MAD1L1: variants seen among roughly 807,000 people sequenced by gnomAD.
MAD1L1 encodes mitotic arrest deficient 1 like 1.
Under a neutral mutation model 96.9 loss-of-function variants are expected in MAD1L1, and 95 were observed. The ratio of observed to expected loss-of-function variants is 0.98; its 90% CI spans 0.83 to 1.16. The LOEUF (loss-of-function observed/expected upper bound fraction) is 1.16. Among genes scored for constraint, MAD1L1 ranks in the 50% most tolerant of loss-of-function variants. The probability of loss-of-function intolerance (pLI) is 0.00; values close to 1 mark genes in which losing one functional copy is unlikely to be tolerated. For synonymous variants in MAD1L1, 473 were observed against 396.6 expected (o/e 1.19, Z -2.29); for missense variants, 1,007 against 954.4 (o/e 1.06, Z -0.73).
intron 10 of MAD1L1, among the ~76,000 whole-genome samples, chr7:2,207,339 A>G (rs1057459308): frequency 2.6e-5 from 4 of 152,182 alleles, no homozygotes; most frequent in Non-Finnish European, 5.9e-5. Context: ...GCTGGTTGGC[A>G]GCCCCCAGGC....
At chr7:2,093,020 G>A (rs1188340641) in intron 11 of MAD1L1, among the ~76,000 whole-genome samples, 3 of 151,690 alleles carry the variant, frequency 2.0e-5, no homozygotes, top group South Asian at 2.1e-4. Context: ...GGTGGATCAC[G>A]AGGTCAGGAG....
intron 16 of MAD1L1, chr7:1,940,214 A>G (rs12531077): frequency 0.049 from 7,495 of 152,218 alleles, 358 homozygotes; most frequent in East Asian, 0.13. Flanking sequence ...AGGGGAGGGG[A>G]AATCCACCCA....
intron 15 of MAD1L1, 66 bp from the exon 16 acceptor site, chr7:1,957,785 T>C: frequency 6.8e-7 from 1 of 1,474,620 alleles, no homozygotes; most frequent in South Asian, 1.1e-5. Context: ...TCCCACCCTC[T>C]GGGTGATAAG....
At chr7:2,108,011 G>A (rs1787185600) in intron 11 of MAD1L1, among the ~76,000 whole-genome samples, 1 of 151,830 alleles carries the variant, frequency 6.6e-6, no homozygotes, top group South Asian at 2.1e-4. Context: ...TGCTCAGTGG[G>A]GACATGAAAC....
At chr7:2,177,012 T>C (rs1001066895) in intron 10 of MAD1L1, among the ~76,000 whole-genome samples, 4 of 152,210 alleles carry the variant, frequency 2.6e-5, no homozygotes, top group South Asian at 2.1e-4. Flanking sequence ...TAATATGTTA[T>C]TAAAAGACGT....
intron 10 of MAD1L1, among the ~76,000 whole-genome samples, chr7:2,169,054 T>C (rs1790580262): frequency 6.6e-6 from 1 of 152,208 alleles, no homozygotes; most frequent in Non-Finnish European, 1.5e-5. Context: ...GTCCTGGCGC[T>C]GTTCAGAACA....
chr7:2,008,371 ACT>A (rs1782131833), intron 13 of MAD1L1, among the ~76,000 whole-genome samples: 1 of 152,186 alleles, frequency 6.6e-6, no homozygotes, highest in Non-Finnish European at 1.5e-5. Context: ...GCACTTTAGC[ACT>A]GACTGTGGGG....
intron 10 of MAD1L1, among the ~76,000 whole-genome samples, chr7:2,176,270 C>T (rs574169202): frequency 6.0e-4 from 91 of 152,298 alleles, no homozygotes; most frequent in Middle Eastern, 3.4e-3. Context: ...ATCACTGGAA[C>T]CTGGGAGGCA....
At chr7:1,980,320 C>T (rs1261266579) in intron 15 of MAD1L1, 133 bp downstream of exon 15, 10 of 721,422 alleles carry the variant, frequency 1.4e-5, no homozygotes, top group South Asian at 1.8e-5. Flanking sequence ...CACACCTGGG[C>T]GTATCCGCCT....
At chr7:1,999,553 G>T (rs938952539) in intron 14 of MAD1L1, among the ~76,000 whole-genome samples, 4 of 152,204 alleles carry the variant, frequency 2.6e-5, no homozygotes, top group Non-Finnish European at 5.9e-5. Context: ...CAGCGGGACT[G>T]CGGGGACCCT....
chr7:2,208,808 C>T (rs997598786), intron 10 of MAD1L1, among the ~76,000 whole-genome samples: 4 of 152,154 alleles, frequency 2.6e-5, no homozygotes, highest in East Asian at 3.9e-4. Context: ...GAGGATGACA[C>T]GTACCTCAAA....
chr7:1,922,541 G>C, intron 17 of MAD1L1, among the ~76,000 whole-genome samples: 1 of 152,302 alleles, frequency 6.6e-6, no homozygotes, highest in East Asian at 1.9e-4. Context: ...GAACTCGCTC[G>C]ACTCGTTTTT....
chr7:1,870,822 G>C (rs74660646), intron 18 of MAD1L1, among the ~76,000 whole-genome samples: 238 of 8,090 alleles, frequency 0.029, 6 homozygotes, highest in Middle Eastern at 0.1. Context: ...ACGCTGAACC[G>C]ACCATAACAC....
At chr7:1,917,907 G>C (rs1788513102) in intron 17 of MAD1L1, among the ~76,000 whole-genome samples, 1 of 152,206 alleles carries the variant, frequency 6.6e-6, no homozygotes, top group Non-Finnish European at 1.5e-5. Context: ...AGAAGGGCTA[G>C]CGGGGACGGA....
rs866308466 is a variant in MAD1L1, at chr7:2,160,478, G to A, written c.987-11240C>T. On this transcript the variant is annotated intron_variant, in intron 10 of 18. Transcript: ENST00000265854. Reference sequence around the variant, plus strand: ...CTCCCGAGGGGCTGGGACTACAGGCGCCCACCACCATGCCCAGCTAATTTT... The same window carrying A: ...CTCCCGAGGGGCTGGGACTACAGGCACCCACCACCATGCCCAGCTAATTTT... 6.6e-5 allele frequency among the ~76,000 whole-genome samples: 10 copies of A among 151,074 alleles called. No homozygotes were observed. The South Asian group carries it at 8.4e-4, about 13-fold the overall frequency.
chr7:2,080,360 G>T (rs149235439), intron 11 of MAD1L1, among the ~76,000 whole-genome samples: 1 of 152,162 alleles, frequency 6.6e-6, no homozygotes, highest in East Asian at 1.9e-4. Context: ...GTTTAGAAAC[G>T]CTAGCATGGG....
chr7:2,224,223 TA>T (rs1376325321), intron 4 of MAD1L1, among the ~76,000 whole-genome samples: 2 of 152,030 alleles, frequency 1.3e-5, no homozygotes, highest in African/African-American at 4.8e-5. Flanking sequence ...GCCACAGCCA[TA>T]CCATCAGCAT....
chr7:1,959,628 G>C (rs993858214), intron 15 of MAD1L1, among the ~76,000 whole-genome samples: 2 of 152,148 alleles, frequency 1.3e-5, no homozygotes, highest in African/African-American at 4.8e-5. Context: ...ACAGTGCAAC[G>C]GAGAAAAGAG....
At chr7:2,127,801 C>G (rs1788304870) in intron 11 of MAD1L1, among the ~76,000 whole-genome samples, 1 of 152,140 alleles carries the variant, frequency 6.6e-6, no homozygotes, top group Non-Finnish European at 1.5e-5. Context: ...GAGCAGACGC[C>G]TGCTAGGAAT....
Sources: gnomAD v4.1 joint callset for allele counts (sites outside exome capture counted in the v4.1 genomes callset) on GRCh38, gnomAD v4.1.1 for gene constraint, MANE v1.5 for transcripts, NCBI Gene and HGNC (gene_info 2026-07-23, HGNC 2026-07-21) for gene names.